Variants in GPC6 observed in about 807,000 individuals in gnomAD.
GPC6 encodes the protein glypican-6.
In GPC6, 14 loss-of-function variants were observed where a neutral mutation model predicts 55.2. The observed-to-expected ratio is 0.25, with a 90% CI of 0.17 to 0.40. The LOEUF (loss-of-function observed/expected upper bound fraction) is 0.40, where lower values mean the gene tolerates loss of function less well. Among genes scored for constraint, GPC6 ranks in the 10% least tolerant of loss-of-function variants. The pLI is 1.00. For synonymous variants in GPC6, 278 were observed against 259.6 expected (o/e 1.07, Z -0.68); for missense variants, 641 against 708.5 (o/e 0.90, Z 1.08).
chr13:94,084,841 A>G (rs1048475113), intron 4 of GPC6, among the ~76,000 whole-genome samples: 2 of 152,196 alleles, frequency 1.3e-5, no homozygotes, highest in Admixed American at 6.5e-5. Context: ...TTGAAAATCA[A>G]TCTTGAAGGA....
intron 2 of GPC6, among the ~76,000 whole-genome samples, chr13:93,669,186 A>G (rs1454406737): frequency 3.3e-5 from 5 of 152,174 alleles, no homozygotes; most frequent in African/African-American, 7.2e-5. Flanking sequence ...CCACCATAAC[A>G]GGACCATTTT....
At chr13:93,712,980 A>G (rs1883124819) in intron 2 of GPC6, among the ~76,000 whole-genome samples, 1 of 151,604 alleles carries the variant, frequency 6.6e-6, no homozygotes, top group South Asian at 2.1e-4. Flanking sequence ...CAATCAAAAT[A>G]TAATAAAATT....
intron 4 of GPC6, among the ~76,000 whole-genome samples, chr13:94,218,487 G>T (rs1473623807): frequency 2.0e-5 from 3 of 152,148 alleles, no homozygotes; most frequent in African/African-American, 7.2e-5. Flanking sequence ...GAATCCCAGT[G>T]CACCCCGTTA....
chr13:93,465,327 C>CAAA (rs1878865661), intron 1 of GPC6, among the ~76,000 whole-genome samples: 1 of 152,210 alleles, frequency 6.6e-6, no homozygotes, highest in South Asian at 2.1e-4. Context: ...TACATGGCAT[C>CAAA]TTATTCCACT....
intron 6 of GPC6, among the ~76,000 whole-genome samples, chr13:94,337,637 A>G (rs9516392): frequency 0.096 from 14,532 of 151,944 alleles, 792 homozygotes; most frequent in African/African-American, 0.13. Context: ...AGGCAGAGAC[A>G]GTGTTTCATC....
At chr13:94,377,186 C>T (rs1244718111) in intron 6 of GPC6, among the ~76,000 whole-genome samples, 1 of 151,914 alleles carries the variant, frequency 6.6e-6, no homozygotes. Context: ...CAACAAAAGA[C>T]ACAATTGACA....
chr13:93,503,475 C>T (rs1239917262), intron 1 of GPC6, among the ~76,000 whole-genome samples: 1 of 152,184 alleles, frequency 6.6e-6, no homozygotes, highest in East Asian at 1.9e-4. Flanking sequence ...AATGTAAACA[C>T]CATTTTTAGC....
At chr13:93,997,914 C>T (rs1881630608) in intron 3 of GPC6, among the ~76,000 whole-genome samples, 1 of 152,126 alleles carries the variant, frequency 6.6e-6, no homozygotes, top group South Asian at 2.1e-4. Flanking sequence ...AATGATGAGT[C>T]CTTCCCTTCC....
chr13:94,208,372 A>G (rs571231434), intron 4 of GPC6, among the ~76,000 whole-genome samples: 11 of 152,320 alleles, frequency 7.2e-5, no homozygotes, highest in African/African-American at 2.6e-4. Context: ...TTAGTGTATC[A>G]GTAAGCACTC....
At chr13:94,059,019 G>T (rs769416844) in intron 4 of GPC6, among the ~76,000 whole-genome samples, 21 of 151,776 alleles carry the variant, frequency 1.4e-4, no homozygotes, top group Non-Finnish European at 2.8e-4. Flanking sequence ...CAACTCTAGT[G>T]TTTACTTGAT....
chr13:93,290,060 G>A (rs1878267113), intron 1 of GPC6, among the ~76,000 whole-genome samples: 1 of 152,116 alleles, frequency 6.6e-6, no homozygotes, highest in South Asian at 2.1e-4. Context: ...TTGTTTCATA[G>A]TGTTTGGTCT....
chr13:94,140,797 C>G (rs1326154581), intron 4 of GPC6, among the ~76,000 whole-genome samples: 3 of 152,084 alleles, frequency 2.0e-5, no homozygotes, highest in Admixed American at 6.6e-5. Flanking sequence ...ACTTTCATTT[C>G]TTTGGATTTT....
At chr13:93,349,077 A>G (rs1030939866) in intron 1 of GPC6, among the ~76,000 whole-genome samples, 1 of 152,196 alleles carries the variant, frequency 6.6e-6, no homozygotes, top group African/African-American at 2.4e-5. Flanking sequence ...TTTACTCTGT[A>G]TGATATATTC....
At chr13:93,759,348 G>C (rs1426701794) in intron 2 of GPC6, among the ~76,000 whole-genome samples, 1 of 152,158 alleles carries the variant, frequency 6.6e-6, no homozygotes, top group Non-Finnish European at 1.5e-5. Context: ...GACTAGAGAA[G>C]AGACCAGCAC....
chr13:93,218,980 G>A, the GPC6 span, among the ~76,000 whole-genome samples: 25,098 of 151,730 alleles, frequency 0.17, 2,404 homozygotes, highest in Non-Finnish European at 0.21. Context: ...GTATGTTACC[G>A]GACTGATGTT....
intron 2 of GPC6, among the ~76,000 whole-genome samples, chr13:93,764,957 G>A (rs981902772): frequency 4.6e-5 from 7 of 151,872 alleles, no homozygotes; most frequent in Non-Finnish European, 1.0e-4. Context: ...GTGCCACCAC[G>A]TCCAGCTAAT....
chr13:93,850,049 C>T (rs559079264), intron 3 of GPC6, among the ~76,000 whole-genome samples: 49 of 152,102 alleles, frequency 3.2e-4, no homozygotes, highest in African/African-American at 1.1e-3. Flanking sequence ...TAAAAAAAGG[C>T]TGTTGTCATG....
intron 4 of GPC6, among the ~76,000 whole-genome samples, chr13:94,267,942 G>C (rs1891868713): frequency 6.6e-6 from 1 of 152,218 alleles, no homozygotes; most frequent in African/African-American, 2.4e-5. Flanking sequence ...CTGGGAATAT[G>C]TGTAGAAGAA....
intron 4 of GPC6, among the ~76,000 whole-genome samples, chr13:94,134,942 G>A (rs1049117688): frequency 2.6e-5 from 4 of 152,150 alleles, no homozygotes; most frequent in Non-Finnish European, 5.9e-5. Context: ...AAGTTCAGCA[G>A]CAAAGTCTGA....
Sources: allele counts gnomAD v4.1 joint callset (sites outside exome capture counted in the v4.1 genomes callset), GRCh38; gene constraint gnomAD v4.1.1; transcripts MANE v1.5; gene names NCBI Gene and HGNC (gene_info 2026-07-23, HGNC 2026-07-21).